Variants in LPA observed in about 807,000 individuals in gnomAD.
LPA encodes apolipoprotein(a).
A neutral mutation model predicts 197.9 loss-of-function variants in LPA; 199 were observed. The ratio of observed to expected loss-of-function variants is 1.01; its 90% CI spans 0.90 to 1.13. The LOEUF is 1.13. LPA is among the 50% of genes most tolerant of loss of function. LPA has a pLI of 0.00. For synonymous variants in LPA, 715 were observed against 639.5 expected (o/e 1.12, Z -1.78); for missense variants, 1,853 against 1,785.8 (o/e 1.04, Z -0.68).
chr6:160,556,498 A>T (rs548186149), intron 29 of LPA, among the ~76,000 whole-genome samples: 58 of 152,172 alleles, frequency 3.8e-4, no homozygotes, highest in African/African-American at 1.3e-3. Context: ...GAGGCAGGAA[A>T]CCAGACGATG....
At chr6:160,540,585 C>A (rs1047722838) in intron 35 of LPA, among the ~76,000 whole-genome samples, 1 of 152,136 alleles carries the variant, frequency 6.6e-6, no homozygotes, top group African/African-American at 2.4e-5. Context: ...GCACCCCCAC[C>A]CCATCTCTCT....
chr6:160,576,386 A>ATATG (rs1214490556), intron 28 of LPA, among the ~76,000 whole-genome samples: 39 of 54,244 alleles, frequency 7.2e-4, no homozygotes, highest in South Asian at 4.0e-3. Context: ...ATATATATAT[A>ATATG]TATGTATATA....
chr6:160,554,300 C>T (rs891778444), intron 30 of LPA, among the ~76,000 whole-genome samples: 38 of 152,184 alleles, frequency 2.5e-4, no homozygotes, highest in African/African-American at 9.1e-4. Context: ...TTATGGATCA[C>T]ACTAATTGCT....
intron 22 of LPA, among the ~76,000 whole-genome samples, chr6:160,592,615 G>A (rs1779050807): frequency 6.6e-6 from 1 of 152,164 alleles, no homozygotes; most frequent in Non-Finnish European, 1.5e-5. Context: ...AATGCAAGTT[G>A]CACTCTGGGG....
intron 30 of LPA, among the ~76,000 whole-genome samples, chr6:160,554,999 CT>C (rs925372375): frequency 2.0e-5 from 3 of 152,066 alleles, no homozygotes; most frequent in Admixed American, 2.0e-4. Flanking sequence ...CCTGTACTGT[CT>C]CTTGTCCAAC....
chr6:160,662,055 T>A (rs1007899400), intron 1 of LPA, among the ~76,000 whole-genome samples: 1 of 152,224 alleles, frequency 6.6e-6, no homozygotes, highest in South Asian at 2.1e-4. Context: ...CCCCAGCTCA[T>A]GTTGCTAGGA....
chr6:160,610,985 C>T (rs146285881), intron 16 of LPA, among the ~76,000 whole-genome samples: 3 of 152,154 alleles, frequency 2.0e-5, no homozygotes, highest in Non-Finnish European at 4.4e-5. Flanking sequence ...TTTTACTTTT[C>T]AGCATCCCTC....
At chr6:160,599,210 G>A (rs1425157760) in intron 20 of LPA, among the ~76,000 whole-genome samples, 1 of 152,162 alleles carries the variant, frequency 6.6e-6, no homozygotes. Context: ...GGGTGTGGTG[G>A]TGGGTGCCTG....
chr6:160,611,259 T>A (rs901010106), intron 16 of LPA, among the ~76,000 whole-genome samples: 2 of 152,110 alleles, frequency 1.3e-5, no homozygotes, highest in Non-Finnish European at 2.9e-5. Flanking sequence ...TCATTGACGC[T>A]TAGTGGGTGT....
intron 18 of LPA, among the ~76,000 whole-genome samples, chr6:160,603,233 G>GGTGTGTGT (rs72482597): frequency 0.034 from 4,935 of 144,792 alleles, 100 homozygotes; most frequent in African/African-American, 0.044. Context: ...TATTTGTGGA[G>GGTGTGTGT]GTGTGTGTGT....
chr6:160,573,282 T>A (rs757527604), intron 28 of LPA, among the ~76,000 whole-genome samples: 2 of 152,174 alleles, frequency 1.3e-5, no homozygotes, highest in African/African-American at 4.8e-5. Flanking sequence ...TCTACTGAAT[T>A]TTTTATTGTT....
At chr6:160,591,223 G>A in intron 22 of LPA, 122 bp from the exon 23 acceptor site, 1 of 1,223,450 alleles carries the variant, frequency 8.2e-7, no homozygotes, top group South Asian at 1.3e-5. Flanking sequence ...CTCACTAAAG[G>A]TCCTGTAACA....
At chr6:160,609,361 T>C (rs1293715586) in intron 16 of LPA, among the ~76,000 whole-genome samples, 1 of 152,154 alleles carries the variant, frequency 6.6e-6, no homozygotes, top group Non-Finnish European at 1.5e-5. Flanking sequence ...TTCCCTGGTA[T>C]CTGGCTTCCA....
chr6:160,659,166 CT>C, intron 1 of LPA, among the ~76,000 whole-genome samples: 1 of 152,248 alleles, frequency 6.6e-6, no homozygotes, highest in South Asian at 2.1e-4. Context: ...CCAGTCTAGC[CT>C]TTTTACATTT....
In LPA at chr6:160,547,908, G is replaced by A. The variant is rs374776600; in HGVS notation, c.5185C>T (p.Arg1729Trp). ...GTAACAGTGGTTGCCTTCTTGCCCC[G>A]GTATCCTTTCCCATTCCCAAACATA... is the stretch of plus-strand genomic sequence containing the variant. ...DCMFGNGKGY[R>W]GKKATTVTGT... The change falls in exon 32 of 39, where the codon CGG (arginine) becomes TGG (tryptophan). Residue 1729 changes from arginine (R) to tryptophan (W), a missense_variant. This residue lies in a region of LPA where 1,737 missense variants were observed against 1,504.4 expected (regional missense o/e 1.15). Transcript: ENST00000316300. 57 of 1,613,788 alleles carry A rather than the reference G, an allele frequency of 3.5e-5. No homozygotes were observed. The highest frequency in any genetic ancestry group is 2.2e-4 in the Admixed American group (13 of 59,964).
intron 1 of LPA, among the ~76,000 whole-genome samples, chr6:160,652,476 A>G (rs1384115056): frequency 1.3e-5 from 2 of 152,136 alleles, no homozygotes; most frequent in African/African-American, 4.8e-5. Flanking sequence ...GGCAAAATAA[A>G]GACTTCTTCA....
At chr6:160,611,322 A>T (rs1779509641) in intron 16 of LPA, among the ~76,000 whole-genome samples, 1 of 152,072 alleles carries the variant, frequency 6.6e-6, no homozygotes, top group Non-Finnish European at 1.5e-5. Context: ...CTTTCTTCAT[A>T]AGGTGATCTC....
intron 20 of LPA, among the ~76,000 whole-genome samples, chr6:160,599,265 C>T (rs532638105): frequency 1.3e-5 from 2 of 152,276 alleles, no homozygotes; most frequent in African/African-American, 4.8e-5. Flanking sequence ...ATGGTGTGAA[C>T]CCGGGAGGCG....
chr6:160,655,012 T>C (rs1582903605), intron 1 of LPA, among the ~76,000 whole-genome samples: 1 of 152,150 alleles, frequency 6.6e-6, no homozygotes, highest in Non-Finnish European at 1.5e-5. Context: ...TTTGAGCCAC[T>C]TCCTTATGTA....
Sources: gnomAD v4.1 joint callset for allele counts (sites outside exome capture counted in the v4.1 genomes callset) on GRCh38, gnomAD v4.1.1 for gene constraint, gnomAD v4.1.1 regional missense constraint, MANE v1.5 for transcripts, NCBI Gene and HGNC (gene_info 2026-07-23, HGNC 2026-07-21) for gene names.